Variants in FOXD1 observed in about 807,000 individuals in gnomAD.
The protein encoded by FOXD1 is forkhead box protein D1.
In FOXD1, 4 loss-of-function variants were observed where a neutral mutation model predicts 2.0. That is an observed-to-expected ratio of 2.03 (90% CI 1.00 to 4.64). The LOEUF (loss-of-function observed/expected upper bound fraction) is 4.64, where lower values mean the gene tolerates loss of function less well. FOXD1 is among the 30% of genes most tolerant of loss of function. The pLI, the probability that FOXD1 is intolerant of heterozygous loss-of-function variation, is 0.01. For missense variants in FOXD1, 586 were observed against 647.6 expected (o/e 0.90, Z 1.03); for synonymous variants, 354 against 328.5 (o/e 1.08, Z -0.84).
Position 73,446,905 on chromosome 5 carries a change from A to G in FOXD1, c.*60T>C. 7.1e-7 allele frequency: 1 copy of G among 1,413,122 alleles called. No homozygotes were observed. The highest frequency in any genetic ancestry group is 9.7e-7 in the Non-Finnish European group (1 of 1,031,954). The allele number at this position is 1,413,122 out of a possible 1,614,324, so 87.5% of individuals were successfully genotyped here. On this transcript the variant is annotated 3_prime_UTR_variant, in exon 1 of 1. Coordinates refer to ENST00000615637, the MANE Select transcript of FOXD1 (RefSeq NM_004472.3). ...GGAGCGAACAAAACACCGAACCACC[A>G]AGACGAGAAAAGGAGCCGGGATTCC...
rs1745519524 is a variant in FOXD1 at position 73,447,281 on chromosome 5, G to C, written c.1082C>G (p.Pro361Arg). The C allele has an allele frequency of 6.1e-6, 6 of 988,942 alleles. No homozygotes were observed. The South Asian group carries it at 2.7e-4, about 44-fold the overall frequency. The allele number at this position is 988,942 out of a possible 1,614,324, so 61.3% of individuals were successfully genotyped here. Residue 361 changes from proline (P) to arginine (R), a missense_variant, in exon 1 of 1, where the codon CCC becomes CGC. Pro to Arg is a moderately radical substitution (Grantham distance 103). This residue lies in a region of FOXD1 where 253 missense variants were observed against 234.4 expected (regional missense o/e 1.08). Transcript: ENST00000615637. This position sits in a 1 kb window ranked among gnomAD's most constrained non-coding sequence, Gnocchi z 7.8. The part of the protein sequence containing the change: ...GPGASALARS[P>R]FSIESIIGGS... Reference sequence around the variant, plus strand: ...CCCGATGATGCTCTCGATGGAGAAGGGCGAGCGCGCCAGCGCTGAGGCGCC... The same window carrying C: ...CCCGATGATGCTCTCGATGGAGAAGCGCGAGCGCGCCAGCGCTGAGGCGCC...
rs1745549900 is a variant in FOXD1 at position 73,448,295 on chromosome 5, C to T, written c.68G>A (p.Gly23Glu). 1 of 1,468,272 alleles carries T rather than the reference C, an allele frequency of 6.8e-7. No homozygotes were observed. Among genetic ancestry groups the T allele is most frequent in the Non-Finnish European group, 9.1e-7 (1 of 1,101,802 alleles). 91.0% of individuals were successfully genotyped at this position (1,468,272 alleles called of 1,614,324 possible). A position where few individuals can be genotyped will look rare whatever the true frequency, so the allele number is the denominator to read the frequency against. The change falls in exon 1 of 1, where the codon GGG becomes GAG. Residue 23 changes from glycine to glutamate, a missense_variant. This residue lies in a region of FOXD1 where 183 missense variants were observed against 159.2 expected (regional missense o/e 1.15). Coordinates refer to ENST00000615637, the MANE Select transcript of FOXD1 (RefSeq NM_004472.3). Reference sequence around the variant, plus strand: ...CTCGTCTTCTTCGTCCTCGCCCTCCCCCACCACGTCGATGTCTGTTTCCTC... The same window carrying T: ...CTCGTCTTCTTCGTCCTCGCCCTCCTCCACCACGTCGATGTCTGTTTCCTC... ...LAEETDIDVV[G>E]EGEDEEDEEE...
Position 73,447,231 on chromosome 5 carries a change from C to T in FOXD1, c.1132G>A (p.Ala378Thr). 3 of 989,372 alleles carry T rather than the reference C, an allele frequency of 3.0e-6. No individual in the cohort carries two copies. Among genetic ancestry groups the T allele is most frequent in the South Asian group, 4.5e-5 (1 of 22,174 alleles). 61.3% of individuals were successfully genotyped at this position (989,372 alleles called of 1,614,324 possible). Residue 378 changes from alanine (A) to threonine (T), a missense_variant, in exon 1 of 1, where the codon GCC (alanine) becomes ACC (threonine). Transcript: ENST00000615637. The surrounding 1 kb of genome is among the most constrained non-coding windows in gnomAD (Gnocchi z 7.8). ...IGGSLGPAAAAAAAAQAAAAA... is the reference protein window; with the variant it reads ...IGGSLGPAAATAAAAQAAAAA... ...GCGGCGGCCTGCGCGGCGGCGGCGG[C>T]AGCGGCGGCCGGGCCCAAGCTGCCC... is the stretch of plus-strand genomic sequence containing the variant.
In FOXD1 at chr5:73,446,590, A is replaced by G. The variant is rs1745499097; in HGVS notation, c.*375T>C. On this transcript the variant is annotated 3_prime_UTR_variant, in exon 1 of 1. Coordinates refer to ENST00000615637, the MANE Select transcript of FOXD1 (RefSeq NM_004472.3). ...TTTTTGTATTATTCTTTTGACCATTATTTTTTAACGCCTGGACCTGAGAAT... is the reference window on the plus strand; with the variant it reads ...TTTTTGTATTATTCTTTTGACCATTGTTTTTTAACGCCTGGACCTGAGAAT... 2 of 193,960 alleles carry G rather than the reference A, an allele frequency of 1.0e-5. No individual in the cohort carries two copies. The highest frequency in any genetic ancestry group is 6.3e-5 in the Admixed American group (1 of 15,858). 12.0% of individuals were successfully genotyped at this position (193,960 alleles called of 1,614,324 possible). A position where few individuals can be genotyped will look rare whatever the true frequency, so the allele number is the denominator to read the frequency against.
rs1745514906 is a variant in FOXD1 at position 73,447,196 on chromosome 5, CTGAGCGGCGGCGGCG to C, written c.1152_1166del (p.Ala386_Ala390del). The C allele has an allele frequency of 1.0e-6, 1 of 1,001,432 alleles. No individual in the cohort carries two copies. The highest frequency in any genetic ancestry group is 1.8e-5 in the African/African-American group (1 of 56,510). 62.0% of individuals were successfully genotyped at this position (1,001,432 alleles called of 1,614,324 possible). A position where few individuals can be genotyped will look rare whatever the true frequency, so the allele number is the denominator to read the frequency against. ...CCACCGGCGAGGGCGAGGGCGAGGC[CTGAGCGGCGGCGGCG>C]GCCTGCGCGGCGGCGGCGGCAGCGG... is the stretch of plus-strand genomic sequence containing the variant. On this transcript the variant is annotated inframe_deletion, in exon 1 of 1. Coordinates refer to ENST00000615637, the MANE Select transcript of FOXD1 (RefSeq NM_004472.3). This position sits in a 1 kb window ranked among gnomAD's most constrained non-coding sequence, Gnocchi z 7.8.
Position 73,448,282 on chromosome 5 carries a change from G to A in FOXD1, c.81C>T (p.Asp27=), listed in dbSNP as rs1423856243. ...CGTCCTCCTCTTCCTCGTCTTCTTC[G>A]TCCTCGCCCTCCCCCACCACGTCGA... ...TDIDVVGEGE[D]EEDEEEEDDD... Residue 27 remains aspartate (D), a synonymous_variant, in exon 1 of 1, where the codon GAC becomes GAT. Coordinates refer to ENST00000615637, the MANE Select transcript of FOXD1 (RefSeq NM_004472.3). 6.8e-7 allele frequency: 1 copy of A among 1,473,144 alleles called. No individual in the cohort carries two copies. The highest frequency in any genetic ancestry group is 2.3e-5 in the Admixed American group (1 of 43,552). The allele number at this position is 1,473,144 out of a possible 1,614,324, so 91.3% of individuals were successfully genotyped here. A position where few individuals can be genotyped will look rare whatever the true frequency, so the allele number is the denominator to read the frequency against.
chr5:73,448,143 C>T lies in FOXD1; in HGVS notation c.220G>A (p.Asp74Asn). 2 of 1,389,022 alleles carry T rather than the reference C, an allele frequency of 1.4e-6. No homozygotes were observed. Among genetic ancestry groups the T allele is most frequent in the Non-Finnish European group, 1.9e-6 (2 of 1,063,358 alleles). 86.0% of individuals were successfully genotyped at this position (1,389,022 alleles called of 1,614,324 possible). A position where few individuals can be genotyped will look rare whatever the true frequency, so the allele number is the denominator to read the frequency against. The stretch of plus-strand genomic sequence containing the variant: ...GGCGGGGCCAGCAGGATGTCATCGT[C>T]GTCCTCCTCCTCCTCCAGATCCTCC... ...ELEDLEEEED[D>N]DDILLAPPAG... The change falls in exon 1 of 1, where the codon GAC becomes AAC. Residue 74 changes from aspartate (D) to asparagine (N), a missense_variant. Physicochemically the swap from Asp to Asn is conservative, Grantham distance 23. Around this residue, in one of 4 missense-constraint regions of FOXD1, gnomAD observed 183 missense variants for 159.2 expected, o/e 1.15. Transcript: ENST00000615637.
chr5:73,446,750 G>A lies in FOXD1; in HGVS notation c.*215C>T. 1 of 497,598 alleles carries A rather than the reference G, an allele frequency of 2.0e-6. No individual in the cohort carries two copies. The highest frequency in any genetic ancestry group is 3.6e-6 in the Non-Finnish European group (1 of 275,286). 30.8% of individuals were successfully genotyped at this position (497,598 alleles called of 1,614,324 possible). A position where few individuals can be genotyped will look rare whatever the true frequency, so the allele number is the denominator to read the frequency against. Reference sequence around the variant, plus strand: ...CCAGGTCGGGGGTTGGGGGGCTGTAGCATAGGTCGGCTTTGCATAAATAGA... The same window carrying A: ...CCAGGTCGGGGGTTGGGGGGCTGTAACATAGGTCGGCTTTGCATAAATAGA... On this transcript the variant is annotated 3_prime_UTR_variant, in exon 1 of 1. Coordinates refer to ENST00000615637, the MANE Select transcript of FOXD1 (RefSeq NM_004472.3).
Position 73,448,349 on chromosome 5 carries a change from G to A in FOXD1, c.14C>T (p.Thr5Ile). 1 of 1,402,060 alleles carries A rather than the reference G, an allele frequency of 7.1e-7. No homozygotes were observed. The highest frequency in any genetic ancestry group is 9.4e-7 in the Non-Finnish European group (1 of 1,062,778). 86.9% of individuals were successfully genotyped at this position (1,402,060 alleles called of 1,614,324 possible). The change falls in exon 1 of 1, where the codon ACT becomes ATT. Residue 5 changes from threonine (T) to isoleucine (I), a missense_variant. By Grantham distance (89) the Thr-to-Ile change is moderately conservative. Around this residue, in one of 4 missense-constraint regions of FOXD1, gnomAD observed 183 missense variants for 159.2 expected, o/e 1.15. Coordinates refer to ENST00000615637, the MANE Select transcript of FOXD1 (RefSeq NM_004472.3). The part of the protein sequence containing the change: MTLS[T>I]EMSDASGLAE... ...GAGGCCAGAGGCATCGGACATCTCA[G>A]TGCTCAGGGTCATAGCTGTGGCGCG...
Position 73,448,015 on chromosome 5 carries a change from A to G in FOXD1, c.348T>C (p.Gly116=). The G allele has an allele frequency of 1.4e-6, 2 of 1,388,536 alleles. No homozygotes were observed. The highest frequency in any genetic ancestry group is 1.9e-6 in the Non-Finnish European group (2 of 1,065,738). The allele number at this position is 1,388,536 out of a possible 1,614,324, so 86.0% of individuals were successfully genotyped here. ...GGGAGGGGSA[G]SGAKNPLVKP... ...TCACCAGCGGGTTCTTGGCGCCGCT[A>G]CCCGCGCTCCCGCCGCCGCCCGCGC... Residue 116 remains glycine (G), a synonymous_variant, in exon 1 of 1, where the codon GGT becomes GGC. Coordinates refer to ENST00000615637, the MANE Select transcript of FOXD1 (RefSeq NM_004472.3).
In FOXD1 at chr5:73,446,949, C is replaced by T; in HGVS notation, c.*16G>A. 1 of 1,538,296 alleles carries T rather than the reference C, an allele frequency of 6.5e-7. No homozygotes were observed. The highest frequency in any genetic ancestry group is 8.8e-7 in the Non-Finnish European group (1 of 1,138,374). On this transcript the variant is annotated 3_prime_UTR_variant, in exon 1 of 1. Transcript: ENST00000615637. ...GGATTCCTACCTTCTTCCTCGAGCG[C>T]GCTAACATAGCGTTATTAACAATTG...
Position 73,448,229 on chromosome 5 carries a change from CG to C in FOXD1, c.133del (p.Arg45GlyfsTer80). Reference protein sequence around the residue: ...DDDEGGGGGPRLAVPAQRRRR... With the variant: ...DDDEGGGGGPXLAVPAQRRRR... ...CCGCCGCTGCGCGGGGACAGCCAGC[CG>C]GGGCCCGCCACCGCCGCCCTCGTCG... On this transcript the variant is annotated frameshift_variant, in exon 1 of 1. Coordinates refer to ENST00000615637, the MANE Select transcript of FOXD1 (RefSeq NM_004472.3). LOFTEE classifies it low-confidence loss of function (END_TRUNC). The C allele has an allele frequency of 2.7e-6, 4 of 1,480,082 alleles. No individual in the cohort carries two copies. Among genetic ancestry groups the C allele is most frequent in the African/African-American group, 1.5e-5 (1 of 68,130 alleles). The allele number at this position is 1,480,082 out of a possible 1,614,324, so 91.7% of individuals were successfully genotyped here.
chr5:73,448,767 G>A lies in FOXD1; in HGVS notation c.-405C>T, dbSNP rs973788178. 6.6e-6 allele frequency among the ~76,000 whole-genome samples: 1 copy of A among 152,206 alleles called. No individual in the cohort carries two copies. The highest frequency in any genetic ancestry group is 2.4e-5 in the African/African-American group (1 of 41,468). The stretch of plus-strand genomic sequence containing the variant: ...CTAAGAACAGAGCTCGGCGAGGCCA[G>A]GGCTGAGTCCAGGAGAGGGCGGACC... On this transcript the variant is annotated 5_prime_UTR_variant, in exon 1 of 1. Transcript: ENST00000615637.
Position 73,447,065 on chromosome 5 carries a change from G to C in FOXD1, c.1298C>G (p.Ala433Gly). 6.6e-7 allele frequency: 1 copy of C among 1,515,430 alleles called. No individual in the cohort carries two copies. 93.9% of individuals were successfully genotyped at this position (1,515,430 alleles called of 1,614,324 possible). The part of the protein sequence containing the change: ...TRSLVAAAAA[A>G]ASSVSSSAAL... ...GGCGGACGAGGAGACTGAGGAGGCG[G>C]CGGCGGCCGCGGCGGCCACGAGGGA... is the stretch of plus-strand genomic sequence containing the variant. The change falls in exon 1 of 1, where the codon GCC becomes GGC. Residue 433 changes from alanine (A) to glycine (G), a missense_variant. By Grantham distance (60) the Ala-to-Gly change is moderately conservative. This residue lies in a region of FOXD1 where 46 missense variants were observed against 78.6 expected (regional missense o/e 0.58). Coordinates refer to ENST00000615637, the MANE Select transcript of FOXD1 (RefSeq NM_004472.3). The surrounding 1 kb of genome is among the most constrained non-coding windows in gnomAD (Gnocchi z 7.8).
rs769773809 is a variant in FOXD1, at chr5:73,447,094, G to C, written c.1269C>G (p.Thr423=). ...CGGCCGCGGCGGCCACGAGGGATCG[G>C]GTGAGCGCGGCCGCCGGGCCCACGG... is the stretch of plus-strand genomic sequence containing the variant. ...QAAVGPAAAL[T]RSLVAAAAAA... Residue 423 remains threonine (T), a synonymous_variant, in exon 1 of 1, where the codon ACC becomes ACG. Transcript: ENST00000615637. This position sits in a 1 kb window ranked among gnomAD's most constrained non-coding sequence, Gnocchi z 7.8. The C allele has an allele frequency of 2.7e-5, 37 of 1,373,552 alleles. No homozygotes were observed. Among genetic ancestry groups the C allele is most frequent in the Non-Finnish European group, 3.5e-5 (37 of 1,064,664 alleles). The allele number at this position is 1,373,552 out of a possible 1,614,324, so 85.1% of individuals were successfully genotyped here.
At position 73,447,571 on chromosome 5, in the gene FOXD1, C is replaced by CGGCGGG; in HGVS notation, c.786_791dup (p.Pro265_Pro266dup). The CGGCGGG allele has an allele frequency of 9.5e-7, 1 of 1,052,002 alleles. No individual in the cohort carries two copies. 65.2% of individuals were successfully genotyped at this position (1,052,002 alleles called of 1,614,324 possible). ...GGCCGTAGCCGTAGGCATGCGGGGG[C>CGGCGGG]GGCGGGGGCGCGGGCGGGAAGAGCG... On this transcript the variant is annotated inframe_insertion, in exon 1 of 1. Transcript: ENST00000615637. The surrounding 1 kb of genome is among the most constrained non-coding windows in gnomAD (Gnocchi z 7.8).
Position 73,448,232 on chromosome 5 carries a change from G to A in FOXD1, c.131C>T (p.Pro44Leu). Residue 44 changes from proline (P) to leucine (L), a missense_variant, in exon 1 of 1, where the codon CCC becomes CTC. By Grantham distance (98) the Pro-to-Leu change is moderately conservative. Around this residue, in one of 4 missense-constraint regions of FOXD1, gnomAD observed 183 missense variants for 159.2 expected, o/e 1.15. Transcript: ENST00000615637. ...CCGCTGCGCGGGGACAGCCAGCCGG[G>A]GCCCGCCACCGCCGCCCTCGTCGTC... ...EDDDEGGGGG[P>L]RLAVPAQRRR... is the part of the protein sequence containing the mutation. 1.4e-6 allele frequency: 2 copies of A among 1,479,910 alleles called. No individual in the cohort carries two copies. The highest frequency in any genetic ancestry group is 1.3e-5 in the South Asian group (1 of 79,164). The allele number at this position is 1,479,910 out of a possible 1,614,324, so 91.7% of individuals were successfully genotyped here.
chr5:73,448,058 C>T lies in FOXD1; in HGVS notation c.305G>A (p.Gly102Glu), dbSNP rs1004572980. ...PAPAAGAGAGGGGGGGGAGGG... is the reference protein window; with the variant it reads ...PAPAAGAGAGEGGGGGGAGGG... ...GCCCGCGCCGCCGCCGCCGCCGCCC[C>T]CACCGGCTCCTGCCCCCGCCGCCGG... Residue 102 changes from glycine to glutamate, a missense_variant, in exon 1 of 1, where the codon GGG becomes GAG. Gly to Glu is a moderately conservative substitution (Grantham distance 98). Transcript: ENST00000615637. 8 of 1,210,576 alleles carry T rather than the reference C, an allele frequency of 6.6e-6. No homozygotes were observed. The highest frequency in any genetic ancestry group is 1.6e-5 in the African/African-American group (1 of 61,242). The allele number at this position is 1,210,576 out of a possible 1,614,324, so 75.0% of individuals were successfully genotyped here. A position where few individuals can be genotyped will look rare whatever the true frequency, so the allele number is the denominator to read the frequency against.
In FOXD1 at chr5:73,446,926, A is replaced by C; in HGVS notation, c.*39T>G. The C allele has an allele frequency of 5.4e-5, 79 of 1,467,556 alleles. No homozygotes were observed. The highest frequency in any genetic ancestry group is 6.2e-5 in the Non-Finnish European group (67 of 1,077,486). The allele number at this position is 1,467,556 out of a possible 1,614,324, so 90.9% of individuals were successfully genotyped here. The stretch of plus-strand genomic sequence containing the variant: ...CACCAAGACGAGAAAAGGAGCCGGG[A>C]TTCCTACCTTCTTCCTCGAGCGCGC... On this transcript the variant is annotated 3_prime_UTR_variant, in exon 1 of 1. Transcript: ENST00000615637.
Sources: gnomAD v4.1 joint callset for allele counts (sites outside exome capture counted in the v4.1 genomes callset) on GRCh38, gnomAD v4.1.1 for gene constraint, gnomAD v4.1.1 regional missense constraint, Gnocchi (gnomAD v3.1) non-coding constraint, MANE v1.5 for transcripts, NCBI Gene and HGNC (gene_info 2026-07-23, HGNC 2026-07-21) for gene names.